LPP: variants seen among roughly 807,000 people sequenced by gnomAD.
LPP encodes the protein lipoma-preferred partner.
A neutral mutation model predicts 60.4 loss-of-function variants in LPP; 38 were observed. The ratio of observed to expected loss-of-function variants is 0.63; its 90% CI spans 0.49 to 0.83. The LOEUF (loss-of-function observed/expected upper bound fraction) is 0.83, where lower values mean the gene tolerates loss of function less well. Among genes scored for constraint, LPP ranks in the 40% least tolerant of loss-of-function variants. The pLI is 0.00. For missense variants in LPP, 902 were observed against 783.6 expected (o/e 1.15, Z -1.80); for synonymous variants, 328 against 290.8 (o/e 1.13, Z -1.30).
intron 4 of LPP, among the ~76,000 whole-genome samples, chr3:188,423,776 C>T (rs1788515100): frequency 6.6e-6 from 1 of 151,792 alleles, no homozygotes; most frequent in African/African-American, 2.4e-5. Context: ...CATAAATATC[C>T]TTCACATACT....
chr3:188,474,669 A>C (rs988704141), intron 4 of LPP, among the ~76,000 whole-genome samples: 12 of 152,216 alleles, frequency 7.9e-5, no homozygotes, highest in African/African-American at 2.9e-4. Context: ...CTGGTAAATT[A>C]AGACTTTTTG....
At chr3:188,662,933 C>T (rs1854918719) in intron 7 of LPP, among the ~76,000 whole-genome samples, 1 of 152,240 alleles carries the variant, frequency 6.6e-6, no homozygotes, top group African/African-American at 2.4e-5. Context: ...TGTTGTACTA[C>T]CTGTGTCACA....
chr3:188,796,780 C>T (rs1745481757), intron 9 of LPP, among the ~76,000 whole-genome samples: 1 of 152,136 alleles, frequency 6.6e-6, no homozygotes, highest in Admixed American at 6.5e-5. Context: ...TTATCTACAA[C>T]TTTTTGATAA....
intron 5 of LPP, among the ~76,000 whole-genome samples, chr3:188,501,321 G>C (rs531709619): frequency 1.3e-5 from 2 of 152,166 alleles, no homozygotes; most frequent in East Asian, 3.9e-4. Context: ...GTTTGTTAAA[G>C]AGCATATTAT....
At position 188,764,610 on chromosome 3, in the gene LPP, C is replaced by G. The variant is rs185593094; in HGVS notation, c.1410+4328C>G. 2.6e-5 allele frequency among the ~76,000 whole-genome samples: 4 copies of G among 152,300 alleles called. No homozygotes were observed. The East Asian group carries it at 7.7e-4, about 29-fold the overall frequency. On this transcript the variant is annotated intron_variant, in intron 9 of 11. Coordinates refer to ENST00000617246, the MANE Select transcript of LPP (RefSeq NM_001375462.1). Reference sequence around the variant, plus strand: ...TTGGTATGAATATGAAGGGCAGCAACAGTGCCTCCTGCTTATGTACCCTTC... The same window carrying G: ...TTGGTATGAATATGAAGGGCAGCAAGAGTGCCTCCTGCTTATGTACCCTTC...
intron 1 of LPP, among the ~76,000 whole-genome samples, chr3:188,220,421 T>C (rs1715348877): frequency 6.6e-6 from 1 of 152,194 alleles, no homozygotes; most frequent in Non-Finnish European, 1.5e-5. Flanking sequence ...ATTGCATCTT[T>C]GAAGGCCTTG....
rs1719969869 is a variant in LPP, at chr3:188,231,567, G to A, written c.-67+6040G>A. 2.0e-5 allele frequency among the ~76,000 whole-genome samples: 3 copies of A among 152,086 alleles called. No individual in the cohort carries two copies. The South Asian group carries it at 6.3e-4, about 32-fold the overall frequency. ...AGCTTTTTTGGTAGAAATGTCGAAA[G>A]GTTCTTGCTTGAGCCCCTTGCTGTA... On this transcript the variant is annotated intron_variant, in intron 2 of 11. Transcript: ENST00000617246.
chr3:188,318,800 C>T (rs1311922403), intron 2 of LPP, among the ~76,000 whole-genome samples: 1 of 137,878 alleles, frequency 7.3e-6, no homozygotes, highest in Non-Finnish European at 1.5e-5. Context: ...GCTCTGTCGC[C>T]CAGGCTGGAG....
rs1325890025 is a variant in LPP at position 188,272,009 on chromosome 3, A to C, written c.-67+46482A>C. 2.0e-5 allele frequency among the ~76,000 whole-genome samples: 3 copies of C among 152,154 alleles called. No individual in the cohort carries two copies. In the East Asian group the frequency reaches 5.8e-4, roughly 29 times the overall value. ...TGCTGCTTGTGGTCCCTTTCCTGGA[A>C]GCTGCTATAACACAGCCACCAAGTC... On this transcript the variant is annotated intron_variant, in intron 2 of 11. Coordinates refer to ENST00000617246, the MANE Select transcript of LPP (RefSeq NM_001375462.1).
chr3:188,830,194 T>C (rs1756763892), intron 9 of LPP, among the ~76,000 whole-genome samples: 1 of 151,646 alleles, frequency 6.6e-6, no homozygotes, highest in Non-Finnish European at 1.5e-5. Flanking sequence ...AAAAGATCTT[T>C]AGAATTTCCA....
intron 1 of LPP, among the ~76,000 whole-genome samples, chr3:188,176,849 G>C (rs542127297): frequency 5.3e-5 from 8 of 152,310 alleles, no homozygotes; most frequent in Middle Eastern, 3.4e-3. Context: ...GTATGATAGA[G>C]AGAGACAGCT....
Position 188,665,766 on chromosome 3 carries a change from ACAT to A in LPP, c.1114-42500_1114-42498del, listed in dbSNP as rs1367867599. On this transcript the variant is annotated intron_variant, in intron 7 of 11. Transcript: ENST00000617246. Reference sequence around the variant, plus strand: ...ATGAGCCACCTCGCCCGGCCAGCTAACATACTCTTTTGTTCCTAAATACAGTTT... The same window carrying A: ...ATGAGCCACCTCGCCCGGCCAGCTAAACTCTTTTGTTCCTAAATACAGTTT... Among the ~76,000 whole-genome samples the A allele has an allele frequency of 2.6e-5, 4 of 152,060 alleles. No individual in the cohort carries two copies. In the East Asian group the frequency reaches 7.7e-4, roughly 29 times the overall value.
At chr3:188,620,196 C>T (rs1026509896) in intron 7 of LPP, among the ~76,000 whole-genome samples, 1 of 151,974 alleles carries the variant, frequency 6.6e-6, no homozygotes, top group Non-Finnish European at 1.5e-5. Context: ...TAATTTAACA[C>T]AATTAAATTA....
chr3:188,562,245 T>G (rs1294702859), intron 6 of LPP: 1 of 152,046 alleles, frequency 6.6e-6, no homozygotes, highest in African/African-American at 2.4e-5. Flanking sequence ...AAATCAAGTG[T>G]ACCAGCATCT....
intron 7 of LPP, among the ~76,000 whole-genome samples, chr3:188,697,278 A>G (rs563731115): frequency 6.6e-6 from 1 of 152,350 alleles, no homozygotes; most frequent in South Asian, 2.1e-4. Context: ...ACCTTGTGTT[A>G]GGTGAAAGAT....
At chr3:188,415,655 G>T (rs962385007) in intron 4 of LPP, among the ~76,000 whole-genome samples, 1 of 151,624 alleles carries the variant, frequency 6.6e-6, no homozygotes, top group Non-Finnish European at 1.5e-5. Flanking sequence ...CAATAACCTG[G>T]ACATGCTTAA....
intron 2 of LPP, among the ~76,000 whole-genome samples, chr3:188,321,194 G>A (rs544838242): frequency 2.6e-5 from 4 of 152,300 alleles, no homozygotes; most frequent in African/African-American, 9.6e-5. Flanking sequence ...CAAATGTTTT[G>A]CTCTGTTCTC....
At chr3:188,656,933 C>G (rs956978208) in intron 7 of LPP, among the ~76,000 whole-genome samples, 1 of 152,012 alleles carries the variant, frequency 6.6e-6, no homozygotes, top group Non-Finnish European at 1.5e-5. Flanking sequence ...TTCCAATATC[C>G]CTTGTTCTTC....
At chr3:188,153,182 C>T (rs1387635206), upstream of LPP, 1 of 152,406 alleles carries the variant, frequency 6.6e-6, no homozygotes, top group East Asian at 1.9e-4. Flanking sequence ...AGGCTCAGGG[C>T]TAAAAGGGAG....
Sources: allele counts gnomAD v4.1 joint callset (sites outside exome capture counted in the v4.1 genomes callset), GRCh38; gene constraint gnomAD v4.1.1; transcripts MANE v1.5; gene names NCBI Gene and HGNC (gene_info 2026-07-23, HGNC 2026-07-21).